The following TAGAP variants were observed in gnomAD, a reference collection of about 807,000 sequenced individuals.
TAGAP encodes T cell activation RhoGTPase activating protein.
TAGAP carries 16 observed loss-of-function variants against 36.0 expected under a neutral mutation model. The ratio of observed to expected loss-of-function variants is 0.44; its 90% CI spans 0.30 to 0.68. The LOEUF (loss-of-function observed/expected upper bound fraction) is 0.68. Ranked by LOEUF, TAGAP falls within the 30% of genes least tolerant of loss-of-function variation. The pLI is 0.09. For missense variants in TAGAP, 794 were observed against 921.5 expected (o/e 0.86, Z 1.79); for synonymous variants, 372 against 377.4 (o/e 0.99, Z 0.17).
rs1779493115 is a variant in TAGAP, at chr6:159,035,380, T to G, written c.*447A>C. ...GAGTAATATATAGTTTACTCTGGTA[T>G]GGAGTAAACTTATACCAGAGATTTA... On this transcript the variant is annotated 3_prime_UTR_variant, in exon 10 of 10. Transcript: ENST00000367066. 1 of 158,226 alleles carries G rather than the reference T, an allele frequency of 6.3e-6. No individual in the cohort carries two copies. Among genetic ancestry groups the G allele is most frequent in the South Asian group, 1.8e-4 (1 of 5,598 alleles). 9.8% of individuals were successfully genotyped at this position (158,226 alleles called of 1,614,324 possible).
At chr6:159,038,271 T>C (rs1779620180) in intron 8 of TAGAP, 43 bp from the exon 9 acceptor site, 1 of 895,384 alleles carries the variant, frequency 1.1e-6, no homozygotes, top group Non-Finnish European at 1.5e-6. Flanking sequence ...AAGACTTTTT[T>C]TTTTTTTTTT....
chr6:159,038,662 T>C (rs952218080), intron 8 of TAGAP, among the ~76,000 whole-genome samples: 5 of 152,152 alleles, frequency 3.3e-5, no homozygotes, highest in Non-Finnish European at 5.9e-5. Context: ...AGTGCTGAGA[T>C]TTCAGACGTG....
chr6:159,043,226 A>G (rs901296720), intron 4 of TAGAP, among the ~76,000 whole-genome samples: 1 of 152,256 alleles, frequency 6.6e-6, no homozygotes, highest in Non-Finnish European at 1.5e-5. Context: ...GATCAGCAAC[A>G]GTTGCTTCAT....
At chr6:159,039,643 G>A (rs879941334) in intron 7 of TAGAP, among the ~76,000 whole-genome samples, 1 of 152,176 alleles carries the variant, frequency 6.6e-6, no homozygotes, top group Non-Finnish European at 1.5e-5. Context: ...GTTTTGTTGA[G>A]TAATCATTTA....
chr6:159,038,265 CT>C (rs559846736), intron 8 of TAGAP, 37 bp from the exon 9 acceptor site: 50,801 of 453,834 alleles, frequency 0.11, 13 homozygotes, highest in Middle Eastern at 0.14. Context: ...AGCTTGAAGA[CT>C]TTTTTTTTTT....
At position 159,034,887 on chromosome 6, in the gene TAGAP, T is replaced by A. The variant is rs1310120831; in HGVS notation, c.*940A>T. ...TGCTATTAGTCTAGAATAGTGAATA[T>A]ATATTTAATAAATGCTTGTTGAGTG... On this transcript the variant is annotated 3_prime_UTR_variant, in exon 10 of 10. Coordinates refer to ENST00000367066, the MANE Select transcript of TAGAP (RefSeq NM_054114.5). 2 of 152,320 alleles carry A rather than the reference T, an allele frequency of 1.3e-5. No homozygotes were observed. Among genetic ancestry groups the A allele is most frequent in the African/African-American group, 4.8e-5 (2 of 41,450 alleles). The allele number at this position is 152,320 out of a possible 1,614,324, so 9.4% of individuals were successfully genotyped here.
At chr6:159,039,353 G>A (rs1318956997) in intron 7 of TAGAP, 44 bp from the exon 8 acceptor site, 3 of 1,584,150 alleles carry the variant, frequency 1.9e-6, no homozygotes. Flanking sequence ...AAGGCTAATG[G>A]TCTTCAGTGT....
Position 159,036,703 on chromosome 6 carries a change from C to T in TAGAP, c.1320G>A (p.Leu440=). 1 of 1,614,192 alleles carries T rather than the reference C, an allele frequency of 6.2e-7. No homozygotes were observed. Among genetic ancestry groups the T allele is most frequent in the Non-Finnish European group, 8.5e-7 (1 of 1,180,026 alleles). The change falls in exon 10 of 10, where the codon CTG becomes CTA. Residue 440 remains leucine (L), a synonymous_variant. Coordinates refer to ENST00000367066, the MANE Select transcript of TAGAP (RefSeq NM_054114.5). The surrounding 1 kb of genome is among the most constrained non-coding windows in gnomAD (Gnocchi z 4.9). Reference sequence around the variant, plus strand: ...AACCCGGGGCCAAGTTCTTGATCTTCAGGTCCACCGGCCTCTTGGTTTTGC... The same window carrying T: ...AACCCGGGGCCAAGTTCTTGATCTTTAGGTCCACCGGCCTCTTGGTTTTGC... ...VQGKTKRPVD[L]KIKNLAPGSV...
intron 7 of TAGAP, among the ~76,000 whole-genome samples, chr6:159,039,913 A>T (rs183228761): frequency 6.6e-6 from 1 of 152,240 alleles, no homozygotes; most frequent in Admixed American, 6.5e-5. Flanking sequence ...GATTATTTTC[A>T]TTTCTCAGAA....
At chr6:159,039,047 G>C in intron 8 of TAGAP, 67 bp downstream of exon 8, 1 of 1,605,744 alleles carries the variant, frequency 6.2e-7, no homozygotes, top group Non-Finnish European at 8.5e-7. Flanking sequence ...GCATTTTATT[G>C]CCTGGACTTG....
intron 9 of TAGAP, 42 bp downstream of exon 9, chr6:159,038,071 AC>A (rs1206476611): frequency 7.5e-7 from 1 of 1,341,130 alleles, no homozygotes; most frequent in East Asian, 2.3e-5. Flanking sequence ...ACTGGCATGA[AC>A]TTTTCCCTAC....
At chr6:159,042,458 G>A in intron 4 of TAGAP, 1 of 1,075,552 alleles carries the variant, frequency 9.3e-7, no homozygotes, top group Non-Finnish European at 1.3e-6. Context: ...AGGGCAACCA[G>A]TTCCCTAAAC....
At chr6:159,038,079 C>G (rs372975422) in intron 9 of TAGAP, 35 bp downstream of exon 9, 17 of 1,430,240 alleles carry the variant, frequency 1.2e-5, no homozygotes, top group Non-Finnish European at 1.6e-5. Flanking sequence ...GAACTTTTCC[C>G]TACAATCGTA....
At position 159,035,774 on chromosome 6, in the gene TAGAP, A is replaced by G; in HGVS notation, c.*53T>C. 2.0e-6 allele frequency: 3 copies of G among 1,514,340 alleles called. No homozygotes were observed. Among genetic ancestry groups the G allele is most frequent in the Non-Finnish European group, 2.7e-6 (3 of 1,124,440 alleles). The allele number at this position is 1,514,340 out of a possible 1,614,324, so 93.8% of individuals were successfully genotyped here. A position where few individuals can be genotyped will look rare whatever the true frequency, so the allele number is the denominator to read the frequency against. On this transcript the variant is annotated 3_prime_UTR_variant, in exon 10 of 10. Transcript: ENST00000367066. ...AAACAATCTACAGGCAGTTCTTTAC[A>G]AGTCTCATATTTACAGATAGCACAA...
rs1356126358 is a variant in TAGAP at position 159,035,625 on chromosome 6, T to G, written c.*202A>C. 1 of 540,948 alleles carries G rather than the reference T, an allele frequency of 1.8e-6. No individual in the cohort carries two copies. Among genetic ancestry groups the G allele is most frequent in the African/African-American group, 1.9e-5 (1 of 53,402 alleles). 33.5% of individuals were successfully genotyped at this position (540,948 alleles called of 1,614,324 possible). A position where few individuals can be genotyped will look rare whatever the true frequency, so the allele number is the denominator to read the frequency against. On this transcript the variant is annotated 3_prime_UTR_variant, in exon 10 of 10. Transcript: ENST00000367066. ...CTTATCTATAATACATTTGATACAT[T>G]TTTACATATTGCACAAATCCAGGTA... is the stretch of plus-strand genomic sequence containing the variant.
rs41267763 is a variant in TAGAP at position 159,041,241 on chromosome 6, T to C, written c.477+113A>G. ...AAGGGCTTAATGAAAAAAATTAAAC[T>C]CCAAGATCAGTGTACCTTGCTGTGT... On this transcript the variant is annotated intron_variant, in intron 6 of 9. Transcript: ENST00000367066. This position sits in a 1 kb window ranked among gnomAD's most constrained non-coding sequence, Gnocchi z 4.1. 31,479 of 1,339,366 alleles carry C rather than the reference T, an allele frequency of 0.024. 433 individuals are homozygous for C. The highest frequency in any genetic ancestry group is 0.036 in the African/African-American group (2,450 of 68,130). 83.0% of individuals were successfully genotyped at this position (1,339,366 alleles called of 1,614,324 possible).
At chr6:159,039,026 G>C in intron 8 of TAGAP, 88 bp downstream of exon 8, 1 of 1,600,134 alleles carries the variant, frequency 6.2e-7, no homozygotes, top group Non-Finnish European at 8.6e-7. Flanking sequence ...GTCAGTTGGA[G>C]ACATTCTGAA....
At chr6:159,039,045 T>A (rs775681068) in intron 8 of TAGAP, 69 bp downstream of exon 8, 3 of 1,604,890 alleles carry the variant, frequency 1.9e-6, no homozygotes, top group Middle Eastern at 1.7e-4. Flanking sequence ...AAGCATTTTA[T>A]TGCCTGGACT....
rs138799104 is a variant in TAGAP at position 159,035,644 on chromosome 6, C to T, written c.*183G>A. On this transcript the variant is annotated 3_prime_UTR_variant, in exon 10 of 10. Coordinates refer to ENST00000367066, the MANE Select transcript of TAGAP (RefSeq NM_054114.5). ...ATACATTTTTACATATTGCACAAAT[C>T]CAGGTACACAGAGACTATCTGATGC... The T allele has an allele frequency of 8.7e-5, 50 of 576,018 alleles. No individual in the cohort carries two copies. The highest frequency in any genetic ancestry group is 8.0e-4 in the African/African-American group (43 of 53,848). 35.7% of individuals were successfully genotyped at this position (576,018 alleles called of 1,614,324 possible).
Sources: allele counts gnomAD v4.1 joint callset (sites outside exome capture counted in the v4.1 genomes callset), GRCh38; gene constraint gnomAD v4.1.1; non-coding constraint Gnocchi (gnomAD v3.1); transcripts MANE v1.5; gene names NCBI Gene and HGNC (gene_info 2026-07-23, HGNC 2026-07-21).